NRXN3: variants seen among roughly 807,000 people sequenced by gnomAD.
NRXN3 encodes the protein neurexin III.
In NRXN3, 32 loss-of-function variants were observed where a neutral mutation model predicts 137.6. That is an observed-to-expected ratio of 0.23 (90% confidence interval 0.18 to 0.31). The LOEUF (loss-of-function observed/expected upper bound fraction) is 0.31. NRXN3 is among the 10% of genes least tolerant of loss of function. The pLI is 1.00. For missense variants in NRXN3, 1,574 were observed against 2,062.5 expected, an observed-to-expected ratio of 0.76 and a Z score of 4.59; for synonymous variants, 798 against 784.5, an observed-to-expected ratio of 1.02 and a Z score of -0.29.
intron 6 of NRXN3, among the ~76,000 whole-genome samples, chr14:78,707,881 A>G (rs2098370041): frequency 6.6e-6 from 1 of 152,198 alleles, no homozygotes; most frequent in Non-Finnish European, 1.5e-5. Context: ...AAATGCCATT[A>G]ATTCATTCCT....
At chr14:78,415,609 T>C (rs894341697) in intron 4 of NRXN3, among the ~76,000 whole-genome samples, 13 of 152,158 alleles carry the variant, frequency 8.5e-5, no homozygotes, top group Admixed American at 7.9e-4. Flanking sequence ...GGTGACTAGA[T>C]TTCAAGTTCT....
At chr14:79,024,443 A>G (rs1468664815) in intron 15 of NRXN3, among the ~76,000 whole-genome samples, 1 of 152,218 alleles carries the variant, frequency 6.6e-6, no homozygotes, top group African/African-American at 2.4e-5. Context: ...CTGTGATAAC[A>G]TCATATCACA....
intron 1 of NRXN3, among the ~76,000 whole-genome samples, chr14:78,188,242 C>T (rs1405776083): frequency 6.6e-6 from 1 of 152,170 alleles, no homozygotes; most frequent in African/African-American, 2.4e-5. Context: ...CACCCCATGA[C>T]AGTTGGGGAA....
chr14:78,935,575 G>A (rs931409040), intron 10 of NRXN3, among the ~76,000 whole-genome samples: 4 of 152,058 alleles, frequency 2.6e-5, no homozygotes, highest in Admixed American at 2.0e-4. Flanking sequence ...TTACTGTTTC[G>A]AGAATATTGA....
intron 10 of NRXN3, among the ~76,000 whole-genome samples, chr14:78,945,792 C>T (rs1038175011): frequency 6.6e-6 from 1 of 152,208 alleles, no homozygotes; most frequent in Non-Finnish European, 1.5e-5. Context: ...CCTAGTTCTG[C>T]TGCAGTGCTT....
intron 10 of NRXN3, among the ~76,000 whole-genome samples, chr14:78,943,658 ATATATATATATATATATATATC>A (rs2099359439): frequency 2.3e-5 from 2 of 85,320 alleles, no homozygotes; most frequent in African/African-American, 1.1e-4. Context: ...ATATATATAT[ATATATATATATATATATATATC>A]TCAAAGAATC....
At chr14:79,585,948 C>A (rs2097762670) in intron 16 of NRXN3, among the ~76,000 whole-genome samples, 1 of 152,216 alleles carries the variant, frequency 6.6e-6, no homozygotes, top group South Asian at 2.1e-4. Context: ...TGTGCACACA[C>A]ATTGGCTTTA....
chr14:78,605,115 T>G lies in NRXN3; in HGVS notation c.758-40005T>G, dbSNP rs138085337. Among the ~76,000 whole-genome samples the G allele has an allele frequency of 4.5e-3, 690 of 152,270 alleles. 8 individuals are homozygous for G. The highest frequency in any genetic ancestry group is 0.016 in the African/African-American group (652 of 41,548). On this transcript the variant is annotated intron_variant, in intron 4 of 20. Transcript: ENST00000335750. ...TTTCGATTTTTTTTCCCCTACTACTTCCTCATCTCCACCCCACAAGTTGAC... is the reference window on the plus strand; with the variant it reads ...TTTCGATTTTTTTTCCCCTACTACTGCCTCATCTCCACCCCACAAGTTGAC...
chr14:78,837,798 G>A (rs2099001152), intron 10 of NRXN3, among the ~76,000 whole-genome samples: 1 of 152,076 alleles, frequency 6.6e-6, no homozygotes. Flanking sequence ...TTTGCGTGTT[G>A]TTATGCCACA....
intron 16 of NRXN3, among the ~76,000 whole-genome samples, chr14:79,572,426 A>G (rs2097615030): frequency 6.6e-6 from 1 of 152,184 alleles, no homozygotes; most frequent in Non-Finnish European, 1.5e-5. Context: ...AATTCCCATC[A>G]CTTTCATTTT....
chr14:79,026,284 A>G (rs1434081128), intron 15 of NRXN3, among the ~76,000 whole-genome samples: 1 of 152,140 alleles, frequency 6.6e-6, no homozygotes, highest in African/African-American at 2.4e-5. Context: ...TTGTTACTGA[A>G]TATTGGCACT....
chr14:79,733,119 A>C (rs548786421), intron 19 of NRXN3, among the ~76,000 whole-genome samples: 2 of 152,300 alleles, frequency 1.3e-5, no homozygotes, highest in South Asian at 4.1e-4. Flanking sequence ...CGGCAACAGC[A>C]GCAGCAAAAA....
chr14:78,244,407 G>T (rs568567401), intron 2 of NRXN3, among the ~76,000 whole-genome samples: 1 of 151,550 alleles, frequency 6.6e-6, no homozygotes, highest in African/African-American at 2.4e-5. Flanking sequence ...TCCAGCCTGG[G>T]TGACAGAGTG....
At chr14:79,114,483 T>G (rs2054058510) in intron 15 of NRXN3, among the ~76,000 whole-genome samples, 1 of 152,178 alleles carries the variant, frequency 6.6e-6, no homozygotes, top group South Asian at 2.1e-4. Flanking sequence ...GTCATGTTTA[T>G]GTACTCAGCA....
chr14:78,255,832 G>C (rs538361579), intron 2 of NRXN3, among the ~76,000 whole-genome samples: 2 of 152,340 alleles, frequency 1.3e-5, no homozygotes, highest in East Asian at 3.9e-4. Context: ...ATATATGTGT[G>C]TGCCTGTGCT....
chr14:79,654,727 T>C (rs2098496956), intron 16 of NRXN3, among the ~76,000 whole-genome samples: 1 of 152,170 alleles, frequency 6.6e-6, no homozygotes, highest in Admixed American at 6.6e-5. Context: ...GAAATGTGTA[T>C]ATTAATTTTT....
chr14:78,516,460 A>G (rs868756310), intron 4 of NRXN3, among the ~76,000 whole-genome samples: 1 of 150,934 alleles, frequency 6.6e-6, no homozygotes, highest in African/African-American at 2.4e-5. Context: ...AGTTTCTCCC[A>G]TCTGTTGCTT....
intron 10 of NRXN3, among the ~76,000 whole-genome samples, chr14:78,885,998 T>C (rs1324925069): frequency 1.3e-5 from 2 of 152,090 alleles, no homozygotes; most frequent in Non-Finnish European, 2.9e-5. Flanking sequence ...CCTTCCAAGA[T>C]GGTTCTAGCC....
intron 16 of NRXN3, among the ~76,000 whole-genome samples, chr14:79,492,761 A>T (rs2096729377): frequency 6.6e-6 from 1 of 152,180 alleles, no homozygotes; most frequent in African/African-American, 2.4e-5. Flanking sequence ...GTAAAGTCTC[A>T]GAAGATTACT....
Sources: allele counts gnomAD v4.1 joint callset (sites outside exome capture counted in the v4.1 genomes callset), GRCh38; gene constraint gnomAD v4.1.1; transcripts MANE v1.5; gene names NCBI Gene and HGNC (gene_info 2026-07-23, HGNC 2026-07-21).